PAK2: variants seen among roughly 807,000 people sequenced by gnomAD.
PAK2 encodes the protein serine/threonine-protein kinase PAK 2.
In PAK2, 21 loss-of-function variants were observed where a neutral mutation model predicts 65.9. The ratio of observed to expected loss-of-function variants is 0.32; its 90% CI spans 0.23 to 0.46. The LOEUF (loss-of-function observed/expected upper bound fraction) is 0.46, where lower values mean the gene tolerates loss of function less well. Ranked by LOEUF, PAK2 falls within the 20% of genes least tolerant of loss-of-function variation. PAK2 has a pLI of 1.00. For synonymous variants in PAK2, 204 were observed against 219.7 expected (o/e 0.93, Z 0.63); for missense variants, 324 against 642.6 (o/e 0.50, Z 5.36).
At chr3:196,807,720 G>A (rs913543547) in intron 6 of PAK2, 62 bp from the exon 7 acceptor site, 1 of 945,184 alleles carries the variant, frequency 1.1e-6, no homozygotes, top group Non-Finnish European at 1.7e-6. Context: ...GAATTAGTTT[G>A]CCAGGAAGAA....
At chr3:196,795,677 T>C (rs1715236374) in intron 2 of PAK2, among the ~76,000 whole-genome samples, 1 of 152,176 alleles carries the variant, frequency 6.6e-6, no homozygotes, top group South Asian at 2.1e-4. Context: ...TTCTATACTA[T>C]TGAAAGTGTC....
At chr3:196,755,339 T>G (rs748745894) in intron 1 of PAK2, among the ~76,000 whole-genome samples, 8 of 152,160 alleles carry the variant, frequency 5.3e-5, no homozygotes, top group Non-Finnish European at 1.0e-4. Flanking sequence ...GGCTGAAAAT[T>G]TTTCCTATGT....
At chr3:196,816,482 G>T (rs1243241447) in intron 11 of PAK2, among the ~76,000 whole-genome samples, 1 of 152,018 alleles carries the variant, frequency 6.6e-6, no homozygotes, top group South Asian at 2.1e-4. Context: ...CTTTGTAATT[G>T]ATATAAAAAT....
chr3:196,826,015 T>G (rs963073292), intron 13 of PAK2, among the ~76,000 whole-genome samples: 14 of 1,912 alleles, frequency 7.3e-3, no homozygotes, highest in East Asian at 0.2. Context: ...AGCTAATTGT[T>G]TTTTTTTTGT....
chr3:196,803,290 G>A (rs1715478260), intron 4 of PAK2, 126 bp downstream of exon 4: 1 of 738,124 alleles, frequency 1.4e-6, no homozygotes, highest in African/African-American at 1.8e-5. Flanking sequence ...TCCCTGGATA[G>A]ATTCTACCTT....
At chr3:196,758,392 A>G (rs1713835845) in intron 1 of PAK2, among the ~76,000 whole-genome samples, 1 of 152,264 alleles carries the variant, frequency 6.6e-6, no homozygotes, top group African/African-American at 2.4e-5. Context: ...TCATCAGTTC[A>G]TTCTGGTTTG....
intron 14 of PAK2, chr3:196,827,592 G>A (rs1461964954): frequency 1.0e-5 from 2 of 194,534 alleles, no homozygotes; most frequent in African/African-American, 2.4e-5. Flanking sequence ...ATCACACACC[G>A]GGGCCTGTTG....
At chr3:196,745,742 A>T (rs374338245) in intron 1 of PAK2, among the ~76,000 whole-genome samples, 1 of 150,852 alleles carries the variant, frequency 6.6e-6, no homozygotes, top group East Asian at 2.0e-4. Flanking sequence ...TGAGCCCGGG[A>T]GGCGGAGGTT....
intron 13 of PAK2, among the ~76,000 whole-genome samples, chr3:196,826,642 C>G (rs761691965): frequency 5.9e-5 from 9 of 151,848 alleles, no homozygotes; most frequent in Non-Finnish European, 7.4e-5. Context: ...GCAATATGGG[C>G]TGGGCACAGT....
At chr3:196,827,863 C>G (rs899946661) in intron 14 of PAK2, among the ~76,000 whole-genome samples, 7 of 148,716 alleles carry the variant, frequency 4.7e-5, no homozygotes, top group Non-Finnish European at 8.9e-5. Context: ...TGCATCGTAT[C>G]AATCCTCAGA....
chr3:196,770,768 G>A (rs1216439708), intron 1 of PAK2, among the ~76,000 whole-genome samples: 3 of 151,718 alleles, frequency 2.0e-5, no homozygotes, highest in Non-Finnish European at 4.4e-5. Context: ...GATTGCAGGC[G>A]CATGCCACCA....
intron 13 of PAK2, among the ~76,000 whole-genome samples, chr3:196,822,792 G>A (rs1711696926): frequency 6.6e-6 from 1 of 152,172 alleles, no homozygotes; most frequent in Admixed American, 6.6e-5. Context: ...GGAAGTAAGA[G>A]CGTGATACTT....
chr3:196,795,433 C>G (rs1440184282), intron 2 of PAK2, among the ~76,000 whole-genome samples: 9 of 152,104 alleles, frequency 5.9e-5, no homozygotes, highest in Non-Finnish European at 4.4e-5. Context: ...CACCACTGCA[C>G]TCCGGCCTGG....
chr3:196,820,324 A>G lies in PAK2; in HGVS notation c.1154-47A>G, dbSNP rs777445235. The G allele has an allele frequency of 1.3e-5, 15 of 1,192,610 alleles. No individual in the cohort carries two copies. The South Asian group carries it at 2.0e-4, about 16-fold the overall frequency. The allele number at this position is 1,192,610 out of a possible 1,614,324, so 73.9% of individuals were successfully genotyped here. A position where few individuals can be genotyped will look rare whatever the true frequency, so the allele number is the denominator to read the frequency against. On this transcript the variant is annotated intron_variant, in intron 12 of 14. Coordinates refer to ENST00000327134, the MANE Select transcript of PAK2 (RefSeq NM_002577.4). The surrounding 1 kb of genome is among the most constrained non-coding windows in gnomAD (Gnocchi z 4.6). ...ATAATCTGAAGTGAACTCTTCTGCT[A>G]AAACCATCCATGGAAGCCATTAACT...
intron 2 of PAK2, among the ~76,000 whole-genome samples, chr3:196,792,804 A>AAAAT (rs1553805658): frequency 1.3e-4 from 20 of 150,870 alleles, no homozygotes; most frequent in East Asian, 1.2e-3. Context: ...GACAGAAAAA[A>AAAAT]ATATATATAT....
intron 7 of PAK2, among the ~76,000 whole-genome samples, chr3:196,809,163 G>T (rs140412378): frequency 0.015 from 2,227 of 149,766 alleles, 95 homozygotes; most frequent in Admixed American, 0.094. Flanking sequence ...CAGGAGGATT[G>T]CTTGAGCCCG....
At chr3:196,790,015 C>A (rs190271707) in intron 2 of PAK2, among the ~76,000 whole-genome samples, 1 of 152,170 alleles carries the variant, frequency 6.6e-6, no homozygotes, top group Non-Finnish European at 1.5e-5. Context: ...AGTTCCTAAC[C>A]GGCCATGGAC....
intron 13 of PAK2, among the ~76,000 whole-genome samples, chr3:196,825,168 A>C (rs1331688731): frequency 6.6e-6 from 1 of 151,722 alleles, no homozygotes; most frequent in Non-Finnish European, 1.5e-5. Context: ...CAATGTGGTG[A>C]AACCCCACCT....
rs1434780322 is a variant in PAK2, at chr3:196,814,369, A to G, written c.936-82A>G. Reference sequence around the variant, plus strand: ...CTCTAGTTTTATTGTTAGGGTGTTTAATATTTGAATTCTTCAACATAGAAT... The same window carrying G: ...CTCTAGTTTTATTGTTAGGGTGTTTGATATTTGAATTCTTCAACATAGAAT... On this transcript the variant is annotated intron_variant, in intron 10 of 14. Coordinates refer to ENST00000327134, the MANE Select transcript of PAK2 (RefSeq NM_002577.4). 4.7e-5 allele frequency: 30 copies of G among 635,388 alleles called. No individual in the cohort carries two copies. The Admixed American group carries it at 8.2e-4, about 17-fold the overall frequency. 39.4% of individuals were successfully genotyped at this position (635,388 alleles called of 1,614,324 possible). A position where few individuals can be genotyped will look rare whatever the true frequency, so the allele number is the denominator to read the frequency against.
Sources: allele counts gnomAD v4.1 joint callset (sites outside exome capture counted in the v4.1 genomes callset), GRCh38; gene constraint gnomAD v4.1.1; non-coding constraint Gnocchi (gnomAD v3.1); transcripts MANE v1.5; gene names NCBI Gene and HGNC (gene_info 2026-07-23, HGNC 2026-07-21).